Variants in TMC1 observed in about 807,000 individuals in gnomAD.
TMC1 encodes transmembrane channel like 1.
In TMC1, 84 loss-of-function variants were observed where a neutral mutation model predicts 105.8. The ratio of observed to expected loss-of-function variants is 0.79; its 90% CI spans 0.67 to 0.95. The LOEUF is 0.95. Among genes scored for constraint, TMC1 ranks in the 40% least tolerant of loss-of-function variants. TMC1 has a pLI of 0.00. For missense variants in TMC1, 817 were observed against 914.1 expected, an observed-to-expected ratio of 0.89 and a Z score of 1.37; for synonymous variants, 315 against 311.5, an observed-to-expected ratio of 1.01 and a Z score of -0.12.
chr9:72,816,698 C>T (rs1426117282), intron 19 of TMC1, among the ~76,000 whole-genome samples: 2 of 152,030 alleles, frequency 1.3e-5, no homozygotes, highest in Non-Finnish European at 2.9e-5. Context: ...TTAGGAAGGT[C>T]GAGTTAAAAT....
intron 5 of TMC1, among the ~76,000 whole-genome samples, chr9:72,672,625 TAGTC>T (rs201012122): frequency 0.016 from 2,369 of 152,172 alleles, 37 homozygotes; most frequent in Admixed American, 0.044. Flanking sequence ...ATTAATTAAT[TAGTC>T]AGATTTCAGG....
At chr9:72,699,634 G>A (rs756834883) in intron 7 of TMC1, among the ~76,000 whole-genome samples, 1 of 152,104 alleles carries the variant, frequency 6.6e-6, no homozygotes, top group Non-Finnish European at 1.5e-5. Context: ...AGATTTTCTG[G>A]TTCAGAGAGT....
intron 18 of TMC1, among the ~76,000 whole-genome samples, chr9:72,806,403 C>T (rs1273496051): frequency 2.8e-5 from 4 of 141,276 alleles, no homozygotes; most frequent in Admixed American, 6.9e-5. Flanking sequence ...GGGGGGCTGA[C>T]GCCCCCACCT....
At chr9:72,638,102 A>G (rs1198196438) in intron 4 of TMC1, among the ~76,000 whole-genome samples, 1 of 152,046 alleles carries the variant, frequency 6.6e-6, no homozygotes, top group Non-Finnish European at 1.5e-5. Flanking sequence ...ATCTGCTCAA[A>G]GACAACTTAG....
intron 4 of TMC1, among the ~76,000 whole-genome samples, chr9:72,628,728 C>CA (rs1198847844): frequency 1.3e-5 from 2 of 151,514 alleles, no homozygotes; most frequent in African/African-American, 4.8e-5. Flanking sequence ...ATGAGGCAAA[C>CA]AAAAAAAATT....
intron 1 of TMC1, among the ~76,000 whole-genome samples, chr9:72,559,284 TG>T (rs1824003187): frequency 6.6e-6 from 1 of 152,108 alleles, no homozygotes; most frequent in African/African-American, 2.4e-5. Flanking sequence ...TTAGTACAGA[TG>T]GGTTTTCACC....
intron 5 of TMC1, among the ~76,000 whole-genome samples, chr9:72,658,516 C>T (rs1344829946): frequency 6.6e-6 from 1 of 152,140 alleles, no homozygotes; most frequent in Admixed American, 6.6e-5. Flanking sequence ...TTCCTTCCTT[C>T]TTTCTAGCTA....
chr9:72,760,360 G>A (rs1340351495), intron 12 of TMC1, among the ~76,000 whole-genome samples: 1 of 151,986 alleles, frequency 6.6e-6, no homozygotes, highest in Non-Finnish European at 1.5e-5. Context: ...ATGGCACCAT[G>A]GAGGAAATCA....
intron 5 of TMC1, among the ~76,000 whole-genome samples, chr9:72,653,958 G>A (rs974066520): frequency 1.3e-5 from 2 of 152,178 alleles, no homozygotes; most frequent in African/African-American, 4.8e-5. Context: ...ATTGTTGGGT[G>A]TATCAATAAT....
At chr9:72,529,043 T>C (rs1410213972) in intron 1 of TMC1, among the ~76,000 whole-genome samples, 1 of 151,984 alleles carries the variant, frequency 6.6e-6, no homozygotes, top group Middle Eastern at 3.2e-3. Flanking sequence ...AGTAGTGTAG[T>C]TATGATTTAA....
chr9:72,536,864 G>T (rs2132061282), intron 1 of TMC1, among the ~76,000 whole-genome samples: 1 of 152,266 alleles, frequency 6.6e-6, no homozygotes, highest in East Asian at 1.9e-4. Context: ...GAGGGTGGTA[G>T]CCCTGCTCCC....
At chr9:72,689,016 GA>G (rs373331815) in intron 6 of TMC1, among the ~76,000 whole-genome samples, 293 of 152,228 alleles carry the variant, frequency 1.9e-3, no homozygotes, top group African/African-American at 6.7e-3. Flanking sequence ...GTTAATAGGA[GA>G]AAAGGCATAT....
At position 72,816,214 on chromosome 9, in the gene TMC1, G is replaced by C; in HGVS notation, c.1763+4G>C. On this transcript the variant is annotated splice_donor_region_variant and intron_variant, in intron 19 of 23. Transcript: ENST00000297784. ...TCTTCAACCAAGGCATGATCTGGTA[G>C]GCCAGCTGTTGGACAGCTTATCACT... 1 of 1,613,362 alleles carries C rather than the reference G, an allele frequency of 6.2e-7. No homozygotes were observed. Among genetic ancestry groups the C allele is most frequent in the Non-Finnish European group, 8.5e-7 (1 of 1,179,382 alleles).
intron 8 of TMC1, among the ~76,000 whole-genome samples, chr9:72,705,369 C>G (rs1826721382): frequency 6.6e-6 from 1 of 152,168 alleles, no homozygotes; most frequent in Admixed American, 6.5e-5. Flanking sequence ...TAAGTGCTTC[C>G]TATAACTTCT....
rs555307731 is a variant in TMC1, at chr9:72,656,123, G to A, written c.16+7459G>A. ...AGGGATTTTACATTGCAGCTTGTTA[G>A]AGTGATTCGAATTCGGTGAATTGCC... On this transcript the variant is annotated intron_variant, in intron 5 of 23. Coordinates refer to ENST00000297784, the MANE Select transcript of TMC1 (RefSeq NM_138691.3). The A allele has an allele frequency of 1.0e-4, 67 of 655,426 alleles. 4 individuals are homozygous for A. The highest frequency in any genetic ancestry group is 8.5e-4 in the South Asian group (62 of 72,556). 40.6% of individuals were successfully genotyped at this position (655,426 alleles called of 1,614,324 possible). A position where few individuals can be genotyped will look rare whatever the true frequency, so the allele number is the denominator to read the frequency against.
At chr9:72,559,249 C>T (rs1235344227) in intron 1 of TMC1, among the ~76,000 whole-genome samples, 1 of 152,096 alleles carries the variant, frequency 6.6e-6, no homozygotes, top group Non-Finnish European at 1.5e-5. Flanking sequence ...AGTGCTCCAC[C>T]AGGCCTCACT....
intron 18 of TMC1, among the ~76,000 whole-genome samples, chr9:72,811,217 T>G (rs1428310557): frequency 6.6e-6 from 1 of 152,178 alleles, no homozygotes; most frequent in Non-Finnish European, 1.5e-5. Flanking sequence ...TGGCTCTATC[T>G]GAGTAAGCTG....
chr9:72,547,819 C>T (rs1201443154), intron 1 of TMC1, among the ~76,000 whole-genome samples: 1 of 152,162 alleles, frequency 6.6e-6, no homozygotes, highest in Non-Finnish European at 1.5e-5. Flanking sequence ...TATTAGTCCA[C>T]TCGGGATGCT....
chr9:72,626,918 C>T (rs1825357141), intron 3 of TMC1, among the ~76,000 whole-genome samples: 1 of 152,068 alleles, frequency 6.6e-6, no homozygotes. Flanking sequence ...CATCACATCA[C>T]ATCACAAACC....
Sources: gnomAD v4.1 joint callset for allele counts (sites outside exome capture counted in the v4.1 genomes callset) on GRCh38, gnomAD v4.1.1 for gene constraint, MANE v1.5 for transcripts, NCBI Gene and HGNC (gene_info 2026-07-23, HGNC 2026-07-21) for gene names.